Variants in BLK observed in about 807,000 individuals in gnomAD.
The protein encoded by BLK is tyrosine-protein kinase Blk.
Under a neutral mutation model 61.8 loss-of-function variants are expected in BLK, and 64 were observed. The observed-to-expected ratio is 1.03, with a 90% CI of 0.85 to 1.27. The LOEUF (loss-of-function observed/expected upper bound fraction) is 1.27, where lower values mean the gene tolerates loss of function less well. Among genes scored for constraint, BLK ranks in the 50% most tolerant of loss-of-function variants. The probability of loss-of-function intolerance (pLI) is 0.00; values close to 1 mark genes in which losing one functional copy is unlikely to be tolerated. For missense variants in BLK, 853 were observed against 660.5 expected, an observed-to-expected ratio of 1.29 and a Z score of -3.19; for synonymous variants, 351 against 272.0, an observed-to-expected ratio of 1.29 and a Z score of -2.86.
intron 7 of BLK, 68 bp downstream of exon 7, chr8:11,554,957 C>T (rs1801128549): frequency 1.3e-6 from 2 of 1,578,516 alleles, no homozygotes; most frequent in Middle Eastern, 2.1e-4. Context: ...GCTAAGATTC[C>T]CAATTGTGTG....
chr8:11,527,746 T>C (rs1446569236), intron 1 of BLK, among the ~76,000 whole-genome samples: 1 of 151,330 alleles, frequency 6.6e-6, no homozygotes, highest in Non-Finnish European at 1.5e-5. Flanking sequence ...GTGGGGTCCA[T>C]TGGTTGCCAG....
rs919914825 is a variant in BLK at position 11,564,531 on chromosome 8, G to C, written c.*423G>C. ...GACTGGGTCCCGCGGACGCCAGCAG[G>C]GGCAGCCCCAGCCTAGGCTGCGCTC... On this transcript the variant is annotated 3_prime_UTR_variant, in exon 13 of 13. Transcript: ENST00000259089. 1.6e-5 allele frequency: 8 copies of C among 485,428 alleles called. No individual in the cohort carries two copies. The highest frequency in any genetic ancestry group is 3.2e-5 in the Non-Finnish European group (8 of 246,856). 30.1% of individuals were successfully genotyped at this position (485,428 alleles called of 1,614,324 possible).
intron 10 of BLK, 80 bp downstream of exon 10, chr8:11,558,118 C>A: frequency 7.1e-7 from 1 of 1,399,596 alleles, no homozygotes; most frequent in Non-Finnish European, 1.0e-6. Flanking sequence ...CTTACCACCC[C>A]ATCCTCTCAG....
At chr8:11,555,137 T>C (rs1188917907) in intron 7 of BLK, among the ~76,000 whole-genome samples, 195 bp from the exon 8 acceptor site, 2 of 152,138 alleles carry the variant, frequency 1.3e-5, no homozygotes, top group East Asian at 1.9e-4. Context: ...AGGTCGATTT[T>C]AGAGATAGCA....
chr8:11,554,581 T>C (rs1801098908), intron 6 of BLK, among the ~76,000 whole-genome samples, 162 bp from the exon 7 acceptor site: 1 of 152,106 alleles, frequency 6.6e-6, no homozygotes, highest in African/African-American at 2.4e-5. Flanking sequence ...TCCAAAAGCA[T>C]GGAGGTTGAG....
At chr8:11,555,928 C>G (rs568824855) in intron 8 of BLK, 1 of 317,062 alleles carries the variant, frequency 3.2e-6, no homozygotes, top group East Asian at 8.0e-5. Flanking sequence ...GCCTGGTGTC[C>G]TCACATTTCC....
At chr8:11,524,035 A>C (rs911716285) in intron 1 of BLK, among the ~76,000 whole-genome samples, 3 of 152,210 alleles carry the variant, frequency 2.0e-5, no homozygotes, top group African/African-American at 7.2e-5. Flanking sequence ...AATATTGGAC[A>C]ATTGAATATT....
At chr8:11,522,748 A>C (rs1006510929) in intron 1 of BLK, among the ~76,000 whole-genome samples, 11 of 152,200 alleles carry the variant, frequency 7.2e-5, no homozygotes, top group African/African-American at 9.6e-5. Flanking sequence ...TCTGAAAAAA[A>C]AAGCAAGTTG....
chr8:11,541,550 T>G (rs1585384546), intron 1 of BLK, among the ~76,000 whole-genome samples: 1 of 150,534 alleles, frequency 6.6e-6, no homozygotes, highest in Non-Finnish European at 1.5e-5. Flanking sequence ...CAGGCTGGAG[T>G]GCAATGGCAT....
intron 10 of BLK, chr8:11,560,820 A>C: frequency 2.2e-6 from 1 of 457,494 alleles, no homozygotes; most frequent in Non-Finnish European, 4.4e-6. Context: ...CCATGTCAGG[A>C]CTGTGGCCCC....
intron 10 of BLK, chr8:11,559,931 G>A: frequency 2.3e-6 from 1 of 439,234 alleles, no homozygotes; most frequent in South Asian, 1.6e-5. Flanking sequence ...GCTTCTTCTT[G>A]AAAGCAGATC....
At chr8:11,497,189 T>C (rs911715458) in intron 1 of BLK, among the ~76,000 whole-genome samples, 1 of 152,128 alleles carries the variant, frequency 6.6e-6, no homozygotes, top group African/African-American at 2.4e-5. Flanking sequence ...CATACTGAGA[T>C]GGAAATCAAT....
At chr8:11,534,400 T>C (rs1800024406) in intron 1 of BLK, among the ~76,000 whole-genome samples, 1 of 151,380 alleles carries the variant, frequency 6.6e-6, no homozygotes, top group South Asian at 2.1e-4. Context: ...TACATGGTGT[T>C]CCCCCCCCAA....
intron 1 of BLK, among the ~76,000 whole-genome samples, chr8:11,495,826 G>C (rs1478895): frequency 0.83 from 126,628 of 152,170 alleles, 52,901 homozygotes; most frequent in Admixed American, 0.87. Context: ...AACAATTACT[G>C]CTTAGTTCTG....
At chr8:11,522,360 C>T (rs1266412571) in intron 1 of BLK, among the ~76,000 whole-genome samples, 5 of 152,160 alleles carry the variant, frequency 3.3e-5, no homozygotes, top group East Asian at 1.9e-4. Context: ...TTTGACAATA[C>T]GAGTTTTGGT....
chr8:11,554,022 C>T (rs955840559), intron 6 of BLK: 1 of 153,336 alleles, frequency 6.5e-6, no homozygotes, highest in Non-Finnish European at 1.5e-5. Flanking sequence ...GCCCCAGCGT[C>T]CTCATCTCCC....
intron 1 of BLK, among the ~76,000 whole-genome samples, chr8:11,512,051 A>G (rs994340372): frequency 1.3e-5 from 2 of 152,220 alleles, no homozygotes; most frequent in African/African-American, 4.8e-5. Flanking sequence ...AAGTGGTAAG[A>G]TGGGGCCTGA....
intron 3 of BLK, among the ~76,000 whole-genome samples, chr8:11,547,320 G>A (rs1800691215): frequency 1.3e-5 from 2 of 152,230 alleles, no homozygotes; most frequent in African/African-American, 4.8e-5. Flanking sequence ...CAGTGACAGA[G>A]CGGAGCCACC....
chr8:11,558,115 C>A, intron 10 of BLK, 77 bp downstream of exon 10: 2 of 1,413,824 alleles, frequency 1.4e-6, no homozygotes, highest in South Asian at 1.2e-5. Context: ...TGCCTTACCA[C>A]CCCATCCTCT....
Sources: allele counts gnomAD v4.1 joint callset (sites outside exome capture counted in the v4.1 genomes callset), GRCh38; gene constraint gnomAD v4.1.1; transcripts MANE v1.5; gene names NCBI Gene and HGNC (gene_info 2026-07-23, HGNC 2026-07-21).